Variants in MYOM3 observed in about 807,000 individuals in gnomAD.
MYOM3 encodes myomesin 3, also known as myomesin-3.
A neutral mutation model predicts 191.7 loss-of-function variants in MYOM3; 155 were observed. The observed-to-expected ratio is 0.81, with a 90% CI of 0.71 to 0.92. The LOEUF (loss-of-function observed/expected upper bound fraction) is 0.92, where lower values mean the gene tolerates loss of function less well. Ranked by LOEUF, MYOM3 falls within the 40% of genes least tolerant of loss-of-function variation. The probability of loss-of-function intolerance (pLI) is 0.00; values close to 1 mark genes in which losing one functional copy is unlikely to be tolerated. For synonymous variants in MYOM3, 757 were observed against 762.9 expected (o/e 0.99, Z 0.13); for missense variants, 1,889 against 1,890.6 (o/e 1.00, Z 0.02).
At chr1:24,101,887 G>A (rs1012808344) in intron 5 of MYOM3, among the ~76,000 whole-genome samples, 4 of 152,220 alleles carry the variant, frequency 2.6e-5, no homozygotes. Context: ...AGGACAGTGG[G>A]GTGGCCTGGG....
chr1:24,094,707 C>T, intron 9 of MYOM3, 146 bp downstream of exon 9: 2 of 771,156 alleles, frequency 2.6e-6, no homozygotes, highest in Non-Finnish European at 4.1e-6. Context: ...TGGCTGCACT[C>T]CCGCTCTCCT....
chr1:24,064,313 T>A, intron 29 of MYOM3, 154 bp from the exon 30 acceptor site: 2 of 592,548 alleles, frequency 3.4e-6, no homozygotes, highest in Non-Finnish European at 5.9e-6. Context: ...TTTACTCATC[T>A]GGGCTGGGTG....
At chr1:24,081,825 G>T in intron 18 of MYOM3, 176 bp downstream of exon 18, 1 of 649,048 alleles carries the variant, frequency 1.5e-6, no homozygotes, top group Non-Finnish European at 2.6e-6. Context: ...GCTCAAGCTT[G>T]GTGGCTCTAA....
intron 35 of MYOM3, among the ~76,000 whole-genome samples, chr1:24,059,422 G>A (rs180826377): frequency 2.9e-4 from 44 of 152,306 alleles, no homozygotes; most frequent in Admixed American, 1.2e-3. Context: ...GGCATGAGCC[G>A]CCACACCTGG....
chr1:24,108,302 G>T (rs1245129522), intron 2 of MYOM3, 174 bp downstream of exon 2: 5 of 772,372 alleles, frequency 6.5e-6, no homozygotes, highest in Non-Finnish European at 2.0e-6. Flanking sequence ...TCCATCACAT[G>T]GGGGTCTCCA....
At chr1:24,106,178 C>T in intron 4 of MYOM3, 101 bp from the exon 5 acceptor site, 4 of 1,333,344 alleles carry the variant, frequency 3.0e-6, no homozygotes, top group Non-Finnish European at 4.0e-6. Flanking sequence ...GTAGTTAGAC[C>T]CACATGGGCT....
rs200850259 is a variant in MYOM3 at position 24,081,380 on chromosome 1, G to C, written c.2357C>G (p.Ser786Trp). 6.2e-7 allele frequency: 1 copy of C among 1,614,144 alleles called. No individual in the cohort carries two copies. Among genetic ancestry groups the C allele is most frequent in the Non-Finnish European group, 8.5e-7 (1 of 1,180,038 alleles). ...AANWAGVGEL[S>W]APSSLFECKE... is the part of the protein sequence containing the mutation. ...GCACTCAAACAGGCTGCTGGGTGCC[G>C]ACAGCTCGCCAACACCTGCCCAGTT... The change falls in exon 19 of 37, where the codon TCG (serine) becomes TGG (tryptophan). Residue 786 changes from serine to tryptophan, a missense_variant. Coordinates refer to ENST00000374434, the MANE Select transcript of MYOM3 (RefSeq NM_152372.4).
At chr1:24,096,031 A>T (rs1643876708) in intron 7 of MYOM3, among the ~76,000 whole-genome samples, 1 of 152,222 alleles carries the variant, frequency 6.6e-6, no homozygotes, top group South Asian at 2.1e-4. Flanking sequence ...ACATTGACTC[A>T]TTCTATCTTC....
intron 24 of MYOM3, among the ~76,000 whole-genome samples, chr1:24,071,615 T>G (rs533319016): frequency 6.6e-6 from 1 of 152,116 alleles, no homozygotes; most frequent in African/African-American, 2.4e-5. Flanking sequence ...CATGGTTCTG[T>G]TGTGTAGCCA....
At chr1:24,096,697 AGTGTGTGTATGAGTGCGC>A (rs925679670) in intron 7 of MYOM3, among the ~76,000 whole-genome samples, 18 of 151,782 alleles carry the variant, frequency 1.2e-4, no homozygotes, top group African/African-American at 2.2e-4. Context: ...CTGCCTCAGG[AGTGTGTGTATGAGTGCGC>A]GTGTGTGTAT....
intron 15 of MYOM3, among the ~76,000 whole-genome samples, chr1:24,085,280 AGATGGATGGATGGATGGATG>A (rs55900087): frequency 1.5e-5 from 2 of 137,600 alleles, no homozygotes; most frequent in Admixed American, 7.2e-5. Flanking sequence ...ATGGATGGAT[AGATGGATGGATGGATGGATG>A]GATGGATGGA....
chr1:24,107,028 CGTCGCAG>C, intron 4 of MYOM3, 38 bp downstream of exon 4: 2 of 1,539,034 alleles, frequency 1.3e-6, no homozygotes, highest in Middle Eastern at 1.8e-4. Context: ...GCAAGTGGTG[CGTCGCAG>C]GTCCCAGGCC....
chr1:24,095,168 A>G (rs548594576), intron 8 of MYOM3, among the ~76,000 whole-genome samples, 178 bp from the exon 9 acceptor site: 2 of 152,164 alleles, frequency 1.3e-5, no homozygotes, highest in Non-Finnish European at 2.9e-5. Flanking sequence ...AGAGCAGCCA[A>G]AGAGCAAACA....
Position 24,064,107 on chromosome 1 carries a change from C to T in MYOM3, c.3587G>A (p.Gly1196Glu), listed in dbSNP as rs1325239745. 5 of 1,613,952 alleles carry T rather than the reference C, an allele frequency of 3.1e-6. No homozygotes were observed. The highest frequency in any genetic ancestry group is 1.1e-5 in the South Asian group (1 of 91,084). ...GAGGTCCAATATGGTGTCGTCCTCC[C>T]CTCGATCGTCAGAAACCATCGCTCT... ...IYRAMVSDDR[G>E]EDDTILDLTG... The change falls in exon 30 of 37, where the codon GGG becomes GAG. Residue 1196 changes from glycine to glutamate, a missense_variant. Transcript: ENST00000374434.
intron 6 of MYOM3, among the ~76,000 whole-genome samples, chr1:24,098,637 GCCC>G (rs1643891451): frequency 2.6e-5 from 4 of 152,144 alleles, no homozygotes; most frequent in African/African-American, 4.8e-5. Context: ...CCTCCTTTTT[GCCC>G]CTGGTCACTC....
Position 24,108,021 on chromosome 1 carries a change from C to A in MYOM3, c.214G>T (p.Ala72Ser). Reference sequence around the variant, plus strand: ...GACAGCTCGGAGGAGGCCGTCAGAGCCAGGGCTGCTGCCAGGGCGTAGTCC... The same window carrying A: ...GACAGCTCGGAGGAGGCCGTCAGAGACAGGGCTGCTGCCAGGGCGTAGTCC... Reference protein sequence around the residue: ...AADYALAAALALTASSELSWE... With the variant: ...AADYALAAALSLTASSELSWE... The change falls in exon 3 of 37, where the codon GCT becomes TCT. Residue 72 changes from alanine (A) to serine (S), a missense_variant. By Grantham distance (99) the Ala-to-Ser change is moderately conservative. Coordinates refer to ENST00000374434, the MANE Select transcript of MYOM3 (RefSeq NM_152372.4). 1 of 1,613,642 alleles carries A rather than the reference C, an allele frequency of 6.2e-7. No homozygotes were observed. Among genetic ancestry groups the A allele is most frequent in the East Asian group, 2.2e-5 (1 of 44,842 alleles).
chr1:24,082,919 G>T, intron 16 of MYOM3: 1 of 499,936 alleles, frequency 2.0e-6, no homozygotes, highest in Non-Finnish European at 3.2e-6. Context: ...GAGTTTTAAA[G>T]GATGTTTGCT....
At chr1:24,096,778 C>CG (rs5773067) in intron 7 of MYOM3, among the ~76,000 whole-genome samples, 42,317 of 151,942 alleles carry the variant, frequency 0.28, 6,213 homozygotes, top group Admixed American at 0.36. Context: ...TTCTCTCTCC[C>CG]GGGGGTCCTG....
chr1:24,100,611 G>A (rs1643904851), intron 5 of MYOM3, among the ~76,000 whole-genome samples: 1 of 152,232 alleles, frequency 6.6e-6, no homozygotes, highest in Non-Finnish European at 1.5e-5. Flanking sequence ...TCCAGGCCGG[G>A]CACGGTGGCT....
Sources: allele counts gnomAD v4.1 joint callset (sites outside exome capture counted in the v4.1 genomes callset), GRCh38; gene constraint gnomAD v4.1.1; transcripts MANE v1.5; gene names NCBI Gene and HGNC (gene_info 2026-07-23, HGNC 2026-07-21).